The following MROH2B variants were observed in gnomAD, a reference collection of about 807,000 sequenced individuals.
The protein encoded by MROH2B is maestro heat-like repeat-containing protein family member 2B.
MROH2B carries 177 observed loss-of-function variants against 208.6 expected under a neutral mutation model. The observed-to-expected ratio is 0.85, with a 90% CI of 0.75 to 0.96. The LOEUF (loss-of-function observed/expected upper bound fraction) is 0.96, where lower values mean the gene tolerates loss of function less well. Among genes scored for constraint, MROH2B ranks in the 40% least tolerant of loss-of-function variants. The probability of loss-of-function intolerance (pLI) is 0.00; values close to 1 mark genes in which losing one functional copy is unlikely to be tolerated. For missense variants in MROH2B, 2,002 were observed against 1,878.7 expected (o/e 1.07, Z -1.21); for synonymous variants, 728 against 659.0 (o/e 1.10, Z -1.60).
chr5:41,063,743 G>A (rs536669321), intron 5 of MROH2B, among the ~76,000 whole-genome samples: 1 of 152,202 alleles, frequency 6.6e-6, no homozygotes, highest in Non-Finnish European at 1.5e-5. Flanking sequence ...ACTGAGAGAA[G>A]GGCAGGGTCA....
intron 28 of MROH2B, among the ~76,000 whole-genome samples, chr5:41,016,772 G>A (rs962595027): frequency 9.9e-5 from 15 of 151,854 alleles, no homozygotes; most frequent in African/African-American, 3.1e-4. Flanking sequence ...GACCCACCAC[G>A]TCCAGCCTGG....
chr5:41,029,438 G>T (rs796640590), intron 24 of MROH2B, among the ~76,000 whole-genome samples: 107 of 152,070 alleles, frequency 7.0e-4, no homozygotes, highest in African/African-American at 2.5e-3. Flanking sequence ...TCATTTTGTT[G>T]ACTATTCCCT....
intron 28 of MROH2B, among the ~76,000 whole-genome samples, chr5:41,016,506 T>TTTTG (rs1741956827): frequency 7.3e-6 from 1 of 137,160 alleles, no homozygotes; most frequent in Non-Finnish European, 1.6e-5. Context: ...ATGTTTTTTT[T>TTTTG]TTTTTTTTTT....
intron 18 of MROH2B, among the ~76,000 whole-genome samples, chr5:41,043,535 C>T (rs1319317035): frequency 2.0e-5 from 3 of 152,182 alleles, no homozygotes; most frequent in African/African-American, 7.2e-5. Context: ...TAGTGCCTCC[C>T]AGTCCTGCTG....
intron 18 of MROH2B, 103 bp downstream of exon 18, chr5:41,045,643 T>C: frequency 6.2e-6 from 5 of 807,842 alleles, no homozygotes; most frequent in South Asian, 1.7e-5. Flanking sequence ...TTTTTTTAAA[T>C]GTTCCTCCCT....
chr5:41,036,468 A>G (rs1742763945), intron 21 of MROH2B, among the ~76,000 whole-genome samples: 1 of 152,272 alleles, frequency 6.6e-6, no homozygotes, highest in Middle Eastern at 3.4e-3. Flanking sequence ...AGTCTCAGGT[A>G]TGTCTTTATC....
intron 30 of MROH2B, among the ~76,000 whole-genome samples, chr5:41,010,464 G>A (rs571801230): frequency 5.9e-5 from 9 of 152,274 alleles, no homozygotes; most frequent in Admixed American, 1.3e-4. Context: ...GCATACAACC[G>A]ACAGGGGAAT....
chr5:41,029,338 A>G (rs750022015), intron 24 of MROH2B, among the ~76,000 whole-genome samples: 1 of 151,914 alleles, frequency 6.6e-6, no homozygotes, highest in Non-Finnish European at 1.5e-5. Context: ...CTTGCTATTG[A>G]GTTGTATGAA....
intron 21 of MROH2B, among the ~76,000 whole-genome samples, chr5:41,035,322 A>C (rs1181053894): frequency 6.6e-6 from 1 of 152,120 alleles, no homozygotes; most frequent in African/African-American, 2.4e-5. Flanking sequence ...ACAACAACAA[A>C]AAAGCAATAG....
chr5:41,006,137 C>T (rs2049064320), intron 34 of MROH2B, among the ~76,000 whole-genome samples: 2 of 151,774 alleles, frequency 1.3e-5, no homozygotes. Context: ...AATTTAAATG[C>T]AGTTTGTCTA....
At position 41,017,173 on chromosome 5, in the gene MROH2B, G is replaced by A. The variant is rs544445325; in HGVS notation, c.2884+677C>T. On this transcript the variant is annotated intron_variant, in intron 28 of 41. Coordinates refer to ENST00000399564, the MANE Select transcript of MROH2B (RefSeq NM_173489.5). ...CTCTGCAGAACTGCACACACACAACGTAGGGCTGTCCTTGGTGAAACATGG... is the reference window on the plus strand; with the variant it reads ...CTCTGCAGAACTGCACACACACAACATAGGGCTGTCCTTGGTGAAACATGG... Among the ~76,000 whole-genome samples, 5 of 152,336 alleles carry A rather than the reference G, an allele frequency of 3.3e-5. No homozygotes were observed. The East Asian group carries it at 5.8e-4, about 18-fold the overall frequency.
rs1325623026 is a variant in MROH2B, at chr5:41,005,106, C to T, written c.3865-186G>A. The T allele has an allele frequency of 5.6e-6, 4 of 709,950 alleles. No individual in the cohort carries two copies. The African/African-American group carries it at 7.2e-5, about 13-fold the overall frequency. The allele number at this position is 709,950 out of a possible 1,614,324, so 44.0% of individuals were successfully genotyped here. On this transcript the variant is annotated intron_variant, in intron 35 of 41. Transcript: ENST00000399564. ...CTCTAGATATGAGCAGCGCACAGGT[C>T]AAGCTTGCATGGTGATGTAAACCCG...
chr5:41,024,663 C>T (rs956538895), intron 24 of MROH2B, among the ~76,000 whole-genome samples: 18 of 152,234 alleles, frequency 1.2e-4, no homozygotes, highest in Admixed American at 9.2e-4. Context: ...AGGAATTGAA[C>T]TCAGCTCTGC....
chr5:41,070,958 A>C lies in MROH2B; in HGVS notation c.-106T>G. 8.8e-7 allele frequency: 1 copy of C among 1,132,428 alleles called. No individual in the cohort carries two copies. Among genetic ancestry groups the C allele is most frequent in the Non-Finnish European group, 1.3e-6 (1 of 772,232 alleles). 70.1% of individuals were successfully genotyped at this position (1,132,428 alleles called of 1,614,324 possible). The stretch of plus-strand genomic sequence containing the variant: ...GGCAAGTTTCTCATATAAGGTTCAC[A>C]TAAGCCTCTCTAAATGAAAGTGCCT... On this transcript the variant is annotated 5_prime_UTR_variant, in exon 1 of 42. The change abolishes an upstream ATG in the 5' untranslated region. Coordinates refer to ENST00000399564, the MANE Select transcript of MROH2B (RefSeq NM_173489.5).
At chr5:41,053,195 T>C (rs528068504) in intron 11 of MROH2B, among the ~76,000 whole-genome samples, 1 of 152,208 alleles carries the variant, frequency 6.6e-6, no homozygotes. Context: ...CAAACAACTA[T>C]GAAAACTGGA....
At chr5:41,057,626 G>A (rs1252297151) in intron 7 of MROH2B, among the ~76,000 whole-genome samples, 1 of 138,720 alleles carries the variant, frequency 7.2e-6, no homozygotes, top group South Asian at 2.5e-4. Flanking sequence ...GCGCAATCTC[G>A]GTTCACTGTA....
At chr5:41,012,122 G>A (rs1031230140) in intron 30 of MROH2B, among the ~76,000 whole-genome samples, 28 of 152,186 alleles carry the variant, frequency 1.8e-4, no homozygotes, top group African/African-American at 6.5e-4. Flanking sequence ...AAGAAGAATT[G>A]AGGACTTTCC....
intron 34 of MROH2B, 90 bp downstream of exon 34, chr5:41,007,224 G>A: frequency 5.7e-6 from 7 of 1,233,396 alleles, no homozygotes; most frequent in Non-Finnish European, 6.4e-6. Flanking sequence ...AATCAATTAT[G>A]CTCAGTGAAG....
chr5:41,001,083 T>C (rs892370300), intron 37 of MROH2B, among the ~76,000 whole-genome samples: 2 of 152,188 alleles, frequency 1.3e-5, no homozygotes, highest in Admixed American at 6.5e-5. Context: ...AATTGATTTC[T>C]GTCTTTGAGT....
Sources: gnomAD v4.1 joint callset for allele counts (sites outside exome capture counted in the v4.1 genomes callset) on GRCh38, gnomAD v4.1.1 for gene constraint, MANE v1.5 for transcripts, NCBI Gene and HGNC (gene_info 2026-07-23, HGNC 2026-07-21) for gene names.